Variants in PTGES3 observed in about 807,000 individuals in gnomAD.
PTGES3 encodes Hsp90 co-chaperone.
Under a neutral mutation model 29.9 loss-of-function variants are expected in PTGES3, and 5 were observed. That is an observed-to-expected ratio of 0.17 (90% confidence interval 0.09 to 0.35). The LOEUF (loss-of-function observed/expected upper bound fraction) is 0.35, where lower values mean the gene tolerates loss of function less well. Ranked by LOEUF, PTGES3 falls within the 10% of genes least tolerant of loss-of-function variation. The pLI is 1.00. For missense variants in PTGES3, 128 were observed against 190.0 expected, an observed-to-expected ratio of 0.67 and a Z score of 1.92; for synonymous variants, 49 against 57.8, an observed-to-expected ratio of 0.85 and a Z score of 0.69.
At chr12:56,680,045 C>T (rs576328788) in intron 1 of PTGES3, among the ~76,000 whole-genome samples, 24 of 151,350 alleles carry the variant, frequency 1.6e-4, no homozygotes, top group African/African-American at 5.3e-4. Flanking sequence ...ATTTCATAAA[C>T]GCTGGTTTTC....
chr12:56,666,366 AT>A, intron 5 of PTGES3, 100 bp from the exon 6 acceptor site: 2 of 1,395,976 alleles, frequency 1.4e-6, no homozygotes, highest in South Asian at 1.6e-5. Context: ...TGCCACAGAT[AT>A]CAAAAAATGC....
At chr12:56,677,244 CA>C (rs1419650343) in intron 1 of PTGES3, among the ~76,000 whole-genome samples, 6 of 144,932 alleles carry the variant, frequency 4.1e-5, no homozygotes, top group African/African-American at 1.6e-4. Context: ...TTCTCCGCAC[CA>C]CCCAAAAAAA....
At chr12:56,668,912 T>C (rs1271886987) in intron 5 of PTGES3, among the ~76,000 whole-genome samples, 7 of 152,120 alleles carry the variant, frequency 4.6e-5, no homozygotes, top group Non-Finnish European at 1.0e-4. Context: ...TCATTTATTC[T>C]TGGGCCATGG....
At chr12:56,687,634 C>T (rs1269730194) in intron 1 of PTGES3, 1 of 1,162,556 alleles carries the variant, frequency 8.6e-7, no homozygotes, top group East Asian at 5.4e-5. Context: ...CCCAAGCAGC[C>T]GAGAGGCGAC....
chr12:56,669,134 G>A (rs200430630), intron 5 of PTGES3, among the ~76,000 whole-genome samples: 3 of 149,916 alleles, frequency 2.0e-5, no homozygotes, highest in Admixed American at 1.3e-4. Context: ...CTTAGCCTCC[G>A]GAGTAGCTGG....
chr12:56,667,053 G>T (rs1261229466), intron 5 of PTGES3, among the ~76,000 whole-genome samples: 1 of 152,162 alleles, frequency 6.6e-6, no homozygotes, highest in Admixed American at 6.6e-5. Flanking sequence ...CTGAGTAGCT[G>T]GGATTACAGG....
chr12:56,666,187 A>C lies in PTGES3; in HGVS notation c.438+17T>G, dbSNP rs1348797915. The C allele has an allele frequency of 1.2e-6, 2 of 1,600,332 alleles. No homozygotes were observed. The highest frequency in any genetic ancestry group is 1.7e-6 in the Non-Finnish European group (2 of 1,174,400). ...AATAGTATGAAAGTAAACAGAAAAAAGAATTTTTAGACTTACATCATCTGC... is the reference window on the plus strand; with the variant it reads ...AATAGTATGAAAGTAAACAGAAAAACGAATTTTTAGACTTACATCATCTGC... On this transcript the variant is annotated intron_variant, in intron 6 of 7. Transcript: ENST00000262033.
chr12:56,670,472 G>A (rs1951960778), intron 4 of PTGES3, 108 bp from the exon 5 acceptor site: 1 of 775,058 alleles, frequency 1.3e-6, no homozygotes, highest in Non-Finnish European at 2.2e-6. Flanking sequence ...TTGCTATGTT[G>A]CCCAGGCTGG....
rs994442940 is a variant in PTGES3 at position 56,672,919 on chromosome 12, A to G, written c.116+33T>C. The G allele has an allele frequency of 8.3e-6, 13 of 1,572,738 alleles. No homozygotes were observed. The African/African-American group carries it at 1.5e-4, about 18-fold the overall frequency. The stretch of plus-strand genomic sequence containing the variant: ...AAGTTATTCAGTTGTGTGAATGACT[A>G]TTTTACATCATTGGATAAAAAGCTT... On this transcript the variant is annotated intron_variant, in intron 2 of 7. Coordinates refer to ENST00000262033, the MANE Select transcript of PTGES3 (RefSeq NM_006601.7).
rs57371154 is a variant in PTGES3, at chr12:56,673,789, CAAAAA to C, written c.3-729_3-725del. ...GCCTGGCAACAGAGCGAGACTGTCT[CAAAAA>C]AAAAAAAAAAAAAAAAAAATTAGCT... On this transcript the variant is annotated intron_variant, in intron 1 of 7. Coordinates refer to ENST00000262033, the MANE Select transcript of PTGES3 (RefSeq NM_006601.7). Among the ~76,000 whole-genome samples, 14 of 92,338 alleles carry C rather than the reference CAAAAA, an allele frequency of 1.5e-4. 1 individual carries two copies. The highest frequency in any genetic ancestry group is 5.3e-4 in the African/African-American group (13 of 24,508). The allele number at this position is 92,338 out of a possible 152,430, so 60.6% of individuals were successfully genotyped here. A position where few individuals can be genotyped will look rare whatever the true frequency, so the allele number is the denominator to read the frequency against.
intron 1 of PTGES3, among the ~76,000 whole-genome samples, chr12:56,684,685 C>A (rs1478920816): frequency 6.6e-6 from 1 of 152,076 alleles, no homozygotes; most frequent in African/African-American, 2.4e-5. Context: ...GGTCGAACGA[C>A]AATGATTCAA....
intron 1 of PTGES3, among the ~76,000 whole-genome samples, chr12:56,678,020 A>G (rs1461039017): frequency 1.3e-5 from 2 of 152,110 alleles, no homozygotes; most frequent in Non-Finnish European, 2.9e-5. Flanking sequence ...TCCCTGAGCA[A>G]TGAGTATGTG....
At chr12:56,682,886 T>C (rs1952615903) in intron 1 of PTGES3, among the ~76,000 whole-genome samples, 2 of 151,648 alleles carry the variant, frequency 1.3e-5, no homozygotes, top group African/African-American at 4.8e-5. Flanking sequence ...CCCAGCTACT[T>C]GGGAGTCTGA....
chr12:56,673,107 T>A, intron 1 of PTGES3, 42 bp from the exon 2 acceptor site: 1 of 1,340,556 alleles, frequency 7.5e-7, no homozygotes, highest in Non-Finnish European at 1.0e-6. Flanking sequence ...TGGAATTCAT[T>A]AACTAAACAT....
chr12:56,671,947 T>A lies in PTGES3; in HGVS notation c.187-100A>T, dbSNP rs1952021627. 6.1e-6 allele frequency: 4 copies of A among 659,030 alleles called. No individual in the cohort carries two copies. The South Asian group carries it at 1.7e-4, about 29-fold the overall frequency. The allele number at this position is 659,030 out of a possible 1,614,324, so 40.8% of individuals were successfully genotyped here. A position where few individuals can be genotyped will look rare whatever the true frequency, so the allele number is the denominator to read the frequency against. On this transcript the variant is annotated intron_variant, in intron 3 of 7. Coordinates refer to ENST00000262033, the MANE Select transcript of PTGES3 (RefSeq NM_006601.7). The stretch of plus-strand genomic sequence containing the variant: ...CACCTTTCTCATTTCTTTACCTAAA[T>A]TTTCTCTGGACTCTGAAACATGCCC...
intron 1 of PTGES3, chr12:56,687,005 CAAAAAAAAAAAA>C (rs11297744): frequency 3.5e-5 from 3 of 86,584 alleles, no homozygotes; most frequent in African/African-American, 8.9e-5. Context: ...AACCTCCCGT[CAAAAAAAAAAAA>C]AAAAAAAAAA....
chr12:56,668,785 T>C (rs1383626229), intron 5 of PTGES3, among the ~76,000 whole-genome samples: 2 of 152,146 alleles, frequency 1.3e-5, no homozygotes, highest in South Asian at 2.1e-4. Flanking sequence ...AAATTTCAAA[T>C]AGCAACAAGA....
chr12:56,667,437 T>C (rs567597915), intron 5 of PTGES3, among the ~76,000 whole-genome samples: 15 of 152,310 alleles, frequency 9.8e-5, no homozygotes, highest in East Asian at 1.9e-4. Context: ...CTTAAAAAGA[T>C]AGTCAAACAT....
At chr12:56,683,876 G>A (rs926678489) in intron 1 of PTGES3, among the ~76,000 whole-genome samples, 1 of 140,394 alleles carries the variant, frequency 7.1e-6, no homozygotes, top group Non-Finnish European at 1.5e-5. Context: ...AGAGAATGGC[G>A]TGAACCCCAG....
Sources: allele counts gnomAD v4.1 joint callset (sites outside exome capture counted in the v4.1 genomes callset), GRCh38; gene constraint gnomAD v4.1.1; transcripts MANE v1.5; gene names NCBI Gene and HGNC (gene_info 2026-07-23, HGNC 2026-07-21).